The following YEATS2 variants were observed in gnomAD, a reference collection of about 807,000 sequenced individuals.
The protein encoded by YEATS2 is YEATS domain containing 2.
YEATS2 carries 77 observed loss-of-function variants against 163.2 expected under a neutral mutation model. The ratio of observed to expected loss-of-function variants is 0.47; its 90% CI spans 0.39 to 0.57. The LOEUF is 0.57. YEATS2 is among the 20% of genes least tolerant of loss of function. The pLI, the probability that YEATS2 is intolerant of heterozygous loss-of-function variation, is 0.00. For missense variants in YEATS2, 1,549 were observed against 1,729.8 expected (o/e 0.90, Z 1.85); for synonymous variants, 631 against 645.1 (o/e 0.98, Z 0.33).
intron 22 of YEATS2, 120 bp downstream of exon 22, chr3:183,798,171 CGCCT>C: frequency 1.4e-6 from 2 of 1,414,470 alleles, no homozygotes; most frequent in Non-Finnish European, 1.9e-6. Flanking sequence ...GTATTCCCAG[CGCCT>C]GTGTACAGCC....
intron 6 of YEATS2, among the ~76,000 whole-genome samples, chr3:183,728,145 G>C (rs1460602444): frequency 6.6e-6 from 1 of 152,054 alleles, no homozygotes; most frequent in African/African-American, 2.4e-5. Flanking sequence ...GCTCACTTTA[G>C]CTTCGAACTC....
intron 1 of YEATS2, among the ~76,000 whole-genome samples, chr3:183,704,745 C>T (rs565780667): frequency 1.3e-5 from 2 of 152,144 alleles, no homozygotes; most frequent in Admixed American, 6.5e-5. Context: ...TCTCCTGCCT[C>T]AGCCTCCCAA....
At chr3:183,702,833 CAA>C (rs202062121) in intron 1 of YEATS2, among the ~76,000 whole-genome samples, 5 of 140,334 alleles carry the variant, frequency 3.6e-5, no homozygotes, top group Admixed American at 7.1e-5. Context: ...CTCTCTCTCT[CAA>C]AAAAAAAAAA....
At position 183,804,181 on chromosome 3, in the gene YEATS2, C is replaced by A; in HGVS notation, c.3777C>A (p.Ser1259Arg). The stretch of plus-strand genomic sequence containing the variant: ...AGGACGTGCTGACCCAGATCGACAG[C>A]GAGCCCGGTAAGCCTTCAGTGGCAC... Reference protein sequence around the residue: ...SIEDVLTQIDSEPECPSSFSS... With the variant: ...SIEDVLTQIDREPECPSSFSS... Residue 1259 changes from serine to arginine, a missense_variant, in exon 27 of 31, where the codon AGC (serine) becomes AGA (arginine). Ser to Arg is a moderately radical substitution (Grantham distance 110, BLOSUM62 -1). Transcript: ENST00000305135. The A allele has an allele frequency of 6.2e-7, 1 of 1,614,116 alleles. No homozygotes were observed. The highest frequency in any genetic ancestry group is 8.5e-7 in the Non-Finnish European group (1 of 1,180,022).
At chr3:183,734,713 G>A (rs1718158884) in intron 7 of YEATS2, among the ~76,000 whole-genome samples, 1 of 152,200 alleles carries the variant, frequency 6.6e-6, no homozygotes, top group Non-Finnish European at 1.5e-5. Context: ...ATGCAGTGGT[G>A]AGTTCAGGGT....
intron 7 of YEATS2, among the ~76,000 whole-genome samples, chr3:183,729,917 T>TG (rs1228850945): frequency 6.6e-6 from 1 of 151,872 alleles, no homozygotes; most frequent in East Asian, 1.9e-4. Flanking sequence ...CTCGAACTCC[T>TG]GACCTCAGGT....
intron 23 of YEATS2, among the ~76,000 whole-genome samples, chr3:183,799,564 C>T (rs1725465303): frequency 6.6e-6 from 1 of 152,148 alleles, no homozygotes; most frequent in Non-Finnish European, 1.5e-5. Context: ...AGGGGCCAGA[C>T]TTTGGCGAGC....
Position 183,717,643 on chromosome 3 carries a change from T to C in YEATS2, c.101-8T>C. 2 of 1,553,522 alleles carry C rather than the reference T, an allele frequency of 1.3e-6. No homozygotes were observed. Among genetic ancestry groups the C allele is most frequent in the Admixed American group, 2.2e-5 (1 of 45,860 alleles). ...AGGCCTTGGATGTATTTTATGTTCTTTGTACAGCTCGAGATGCTGCTGTGC... is the reference window on the plus strand; with the variant it reads ...AGGCCTTGGATGTATTTTATGTTCTCTGTACAGCTCGAGATGCTGCTGTGC... On this transcript the variant is annotated splice_polypyrimidine_tract_variant and splice_region_variant and intron_variant, in intron 2 of 30. Transcript: ENST00000305135.
chr3:183,761,645 G>C, intron 14 of YEATS2, 31 bp downstream of exon 14: 2 of 1,593,514 alleles, frequency 1.3e-6, no homozygotes, highest in Non-Finnish European at 1.7e-6. Flanking sequence ...TGTCCCACAA[G>C]TCATAATACT....
chr3:183,779,161 G>A (rs1483126439), intron 19 of YEATS2, among the ~76,000 whole-genome samples: 1 of 151,770 alleles, frequency 6.6e-6, no homozygotes, highest in Non-Finnish European at 1.5e-5. Context: ...TGCCCGCCTC[G>A]GCCTCCGAAA....
chr3:183,752,105 CG>C lies in YEATS2; in HGVS notation c.1004del (p.Gly335GlufsTer23). On this transcript the variant is annotated frameshift_variant, in exon 10 of 31. Transcript: ENST00000305135. LOFTEE classifies it high-confidence loss of function. Reference protein sequence around the residue: ...VDVELHRHSLGEDCIYPQSSE... With the variant: ...VDVELHRHSLXEDCIYPQSSE... ...ATGTTGAACTCCATCGCCATTCTCT[CG>C]GAGAAGACTGTATCTATCCTCAGTC... 1 of 1,614,098 alleles carries C rather than the reference CG, an allele frequency of 6.2e-7. No individual in the cohort carries two copies. Among genetic ancestry groups the C allele is most frequent in the Non-Finnish European group, 8.5e-7 (1 of 1,180,028 alleles).
rs143782372 is a variant in YEATS2 at position 183,758,098 on chromosome 3, C to T, written c.1553-764C>T. ...GTTGGCCAGGCGTGGTGGCTCATGCCCATAATCCCAGCACTTTGGGAGGCC... is the reference window on the plus strand; with the variant it reads ...GTTGGCCAGGCGTGGTGGCTCATGCTCATAATCCCAGCACTTTGGGAGGCC... On this transcript the variant is annotated intron_variant, in intron 12 of 30. Coordinates refer to ENST00000305135, the MANE Select transcript of YEATS2 (RefSeq NM_018023.5). Among the ~76,000 whole-genome samples the T allele has an allele frequency of 9.5e-3, 1,452 of 152,206 alleles. 66 individuals are homozygous for T. In the East Asian group the frequency reaches 0.14, roughly 15 times the overall value.
At position 183,747,686 on chromosome 3, in the gene YEATS2, T is replaced by C. The variant is rs115216556; in HGVS notation, c.939T>C (p.Tyr313=). ...TCTTTCCATAGCTGGATAGAACTTA[T>C]ACTGGCTTGCAGACTCTTGGAGCAG... The part of the protein sequence containing the change: ...IIHNLKLDRT[Y]TGLQTLGAET... The change falls in exon 9 of 31, where the codon TAT becomes TAC. Residue 313 remains tyrosine (Y), a synonymous_variant. Transcript: ENST00000305135. 6.8e-6 allele frequency: 11 copies of C among 1,613,252 alleles called. No homozygotes were observed. The highest frequency in any genetic ancestry group is 1.3e-5 in the African/African-American group (1 of 75,046).
At chr3:183,799,940 C>G (rs1725509184) in intron 23 of YEATS2, among the ~76,000 whole-genome samples, 1 of 150,234 alleles carries the variant, frequency 6.7e-6, no homozygotes, top group Non-Finnish European at 1.5e-5. Context: ...TCACGCCATT[C>G]TCCTGCCTCA....
intron 15 of YEATS2, among the ~76,000 whole-genome samples, chr3:183,769,427 G>A (rs1203666675): frequency 6.6e-6 from 1 of 152,176 alleles, no homozygotes; most frequent in African/African-American, 2.4e-5. Flanking sequence ...CAGTTGAAGT[G>A]TTGTGATGAG....
intron 2 of YEATS2, among the ~76,000 whole-genome samples, chr3:183,716,238 C>T (rs1293732972): frequency 5.9e-5 from 9 of 152,224 alleles, no homozygotes; most frequent in African/African-American, 1.2e-4. Flanking sequence ...GGATTACAGA[C>T]GTGAGCCACC....
chr3:183,740,472 A>T (rs1460112458), intron 8 of YEATS2, among the ~76,000 whole-genome samples: 2 of 152,248 alleles, frequency 1.3e-5, no homozygotes, highest in Non-Finnish European at 2.9e-5. Flanking sequence ...CACACAAATG[A>T]TAAGAAAGCA....
intron 15 of YEATS2, among the ~76,000 whole-genome samples, chr3:183,771,950 C>T (rs1346440980): frequency 6.6e-6 from 1 of 152,064 alleles, no homozygotes; most frequent in Non-Finnish European, 1.5e-5. Flanking sequence ...TGGTCTCGAA[C>T]TCCTGACCAC....
Position 183,786,138 on chromosome 3 carries a change from G to A in YEATS2, c.2750G>A (p.Gly917Glu). ...TTLFTQAAHG[G>E]QASLMKISDS... Reference sequence around the variant, plus strand: ...TTGTTTCTGCAGGCAGCCCATGGAGGACAGGCATCTCTAATGAAAATATCC... The same window carrying A: ...TTGTTTCTGCAGGCAGCCCATGGAGAACAGGCATCTCTAATGAAAATATCC... The change falls in exon 20 of 31, where the codon GGA (glycine) becomes GAA (glutamate). Residue 917 changes from glycine to glutamate, a missense_variant. Coordinates refer to ENST00000305135, the MANE Select transcript of YEATS2 (RefSeq NM_018023.5). The A allele has an allele frequency of 6.2e-7, 1 of 1,613,300 alleles. No homozygotes were observed. Among genetic ancestry groups the A allele is most frequent in the South Asian group, 1.1e-5 (1 of 91,038 alleles).
Sources: gnomAD v4.1 joint callset for allele counts (sites outside exome capture counted in the v4.1 genomes callset) on GRCh38, gnomAD v4.1.1 for gene constraint, MANE v1.5 for transcripts, NCBI Gene and HGNC (gene_info 2026-07-23, HGNC 2026-07-21) for gene names.